KAZN: variants seen among roughly 807,000 people sequenced by gnomAD.
KAZN encodes the protein kazrin.
In KAZN, 40 loss-of-function variants were observed where a neutral mutation model predicts 87.4. The ratio of observed to expected loss-of-function variants is 0.46; its 90% CI spans 0.36 to 0.60. The LOEUF is 0.60. KAZN is among the 20% of genes least tolerant of loss of function. KAZN has a pLI of 0.00. For missense variants in KAZN, 898 were observed against 1,073.9 expected, an observed-to-expected ratio of 0.84 and a Z score of 2.29; for synonymous variants, 466 against 458.3, an observed-to-expected ratio of 1.02 and a Z score of -0.22.
chr1:14,486,882 G>A (rs1352916646), intron 2 of KAZN, among the ~76,000 whole-genome samples: 4 of 152,168 alleles, frequency 2.6e-5, no homozygotes, highest in Non-Finnish European at 2.9e-5. Flanking sequence ...AAATTCCTTG[G>A]TAGCTCCCTG....
At chr1:14,867,974 G>A (rs56109791) in intron 1 of KAZN, among the ~76,000 whole-genome samples, 52,773 of 151,434 alleles carry the variant, frequency 0.35, 9,580 homozygotes, top group South Asian at 0.42. Flanking sequence ...GGCAGGCATC[G>A]CATATGCAGG....
chr1:14,602,298 G>T (rs1178100644), intron 1 of KAZN, among the ~76,000 whole-genome samples: 1 of 152,210 alleles, frequency 6.6e-6, no homozygotes, highest in Non-Finnish European at 1.5e-5. Flanking sequence ...TGTGTTGAAA[G>T]AATTCCTGGC....
intron 2 of KAZN, among the ~76,000 whole-genome samples, chr1:14,394,395 T>G (rs551205661): frequency 2.0e-5 from 3 of 152,234 alleles, no homozygotes; most frequent in Non-Finnish European, 4.4e-5. Context: ...GAATCTGGGA[T>G]GGGGGTAGAA....
intron 1 of KAZN, among the ~76,000 whole-genome samples, chr1:14,126,834 G>T (rs1644881378): frequency 6.6e-6 from 1 of 152,166 alleles, no homozygotes. Context: ...GGCCAGGTGC[G>T]GTGGGTCACG....
chr1:15,095,841 A>G (rs574839148), intron 10 of KAZN, among the ~76,000 whole-genome samples: 1 of 152,202 alleles, frequency 6.6e-6, no homozygotes, highest in South Asian at 2.1e-4. Context: ...AACCAAATCC[A>G]TATGTGTGCA....
chr1:14,326,943 T>C (rs1356554948), intron 2 of KAZN, among the ~76,000 whole-genome samples: 1 of 152,156 alleles, frequency 6.6e-6, no homozygotes, highest in East Asian at 1.9e-4. Flanking sequence ...GCACTCATAG[T>C]ACATAGTTAT....
intron 2 of KAZN, among the ~76,000 whole-genome samples, chr1:14,292,121 A>C (rs1653749492): frequency 6.6e-6 from 1 of 152,172 alleles, no homozygotes; most frequent in Admixed American, 6.5e-5. Flanking sequence ...GATGACTTAT[A>C]GTATGTTGTA....
At chr1:15,062,018 G>C (rs922246824) in intron 6 of KAZN, 1 of 152,158 alleles carries the variant, frequency 6.6e-6, no homozygotes, top group Non-Finnish European at 1.5e-5. Context: ...CAGTGTCCCT[G>C]CACCATTCTC....
chr1:14,322,811 A>G (rs949260384), intron 2 of KAZN, among the ~76,000 whole-genome samples: 7 of 152,194 alleles, frequency 4.6e-5, no homozygotes, highest in African/African-American at 1.7e-4. Context: ...AAGCATAGCA[A>G]ATAGCAAAAT....
At chr1:14,422,822 A>C (rs953916174) in intron 2 of KAZN, among the ~76,000 whole-genome samples, 2 of 152,208 alleles carry the variant, frequency 1.3e-5, no homozygotes, top group African/African-American at 4.8e-5. Context: ...TGGGTCTCAG[A>C]TTCTAATCCC....
chr1:14,459,015 T>C (rs1240034501), intron 2 of KAZN, among the ~76,000 whole-genome samples: 1 of 152,150 alleles, frequency 6.6e-6, no homozygotes, highest in Non-Finnish European at 1.5e-5. Context: ...TTCCTTTTTG[T>C]TTGTCAAACT....
intron 2 of KAZN, among the ~76,000 whole-genome samples, chr1:14,232,780 T>C (rs527703677): frequency 6.6e-6 from 1 of 152,262 alleles, no homozygotes; most frequent in Non-Finnish European, 1.5e-5. Context: ...CTAATTTTCA[T>C]AAAACAACGG....
At chr1:15,000,762 T>A (rs1408600486) in intron 2 of KAZN, among the ~76,000 whole-genome samples, 1 of 151,932 alleles carries the variant, frequency 6.6e-6, no homozygotes, top group Non-Finnish European at 1.5e-5. Context: ...GGGGTGTGCC[T>A]GGCACAGTGC....
chr1:14,933,381 C>T (rs538089261), intron 1 of KAZN, among the ~76,000 whole-genome samples: 2 of 152,302 alleles, frequency 1.3e-5, no homozygotes, highest in South Asian at 4.1e-4. Context: ...GTGTGACCCA[C>T]CATGCCCGGC....
intron 1 of KAZN, among the ~76,000 whole-genome samples, chr1:14,683,061 C>T (rs1394703663): frequency 1.3e-5 from 2 of 152,104 alleles, no homozygotes; most frequent in Non-Finnish European, 2.9e-5. Context: ...GTGCGAGTTC[C>T]CTATCAGATA....
rs571310755 is a variant in KAZN, at chr1:15,099,657, C to T, written c.1548-1886C>T. 6.6e-6 allele frequency among the ~76,000 whole-genome samples: 1 copy of T among 152,212 alleles called. No individual in the cohort carries two copies. Among genetic ancestry groups the T allele is most frequent in the African/African-American group, 2.4e-5 (1 of 41,538 alleles). On this transcript the variant is annotated intron_variant, in intron 10 of 14. Transcript: ENST00000376030. This position sits in a 1 kb window ranked among gnomAD's most constrained non-coding sequence, Gnocchi z 5.4. The stretch of plus-strand genomic sequence containing the variant: ...GGCCAGTGCAGGTGACCCTTGTGGA[C>T]CATTCAAAGGACTTGCGATTTTACT...
chr1:13,999,224 C>T (rs1486938989), intron 1 of KAZN, among the ~76,000 whole-genome samples: 2 of 152,076 alleles, frequency 1.3e-5, no homozygotes, highest in East Asian at 3.9e-4. Flanking sequence ...TGGTGTGCAC[C>T]TGTAATCTCA....
chr1:14,109,438 T>C (rs1644450641), intron 1 of KAZN, among the ~76,000 whole-genome samples: 1 of 152,208 alleles, frequency 6.6e-6, no homozygotes, highest in South Asian at 2.1e-4. Flanking sequence ...TGTGTGTGTG[T>C]GCATGTGTGT....
At chr1:14,265,105 C>A (rs35608962) in intron 2 of KAZN, among the ~76,000 whole-genome samples, 32,488 of 152,184 alleles carry the variant, frequency 0.21, 3,953 homozygotes, top group Middle Eastern at 0.38. Context: ...TTTTCCATAA[C>A]TAGCACAAAG....
Sources: allele counts gnomAD v4.1 joint callset (sites outside exome capture counted in the v4.1 genomes callset), GRCh38; gene constraint gnomAD v4.1.1; non-coding constraint Gnocchi (gnomAD v3.1); transcripts MANE v1.5; gene names NCBI Gene and HGNC (gene_info 2026-07-23, HGNC 2026-07-21).